Variants in LRGUK observed in about 807,000 individuals in gnomAD.
LRGUK encodes leucine rich repeats and guanylate kinase domain containing.
A neutral mutation model predicts 76.0 loss-of-function variants in LRGUK; 65 were observed. The observed-to-expected ratio is 0.85, with a 90% CI of 0.70 to 1.05. The LOEUF (loss-of-function observed/expected upper bound fraction) is 1.05. Ranked by LOEUF, LRGUK falls within the 50% of genes least tolerant of loss-of-function variation. The probability of loss-of-function intolerance (pLI) is 0.00; values close to 1 mark genes in which losing one functional copy is unlikely to be tolerated. For missense variants in LRGUK, 758 were observed against 732.8 expected, an observed-to-expected ratio of 1.03 and a Z score of -0.40; for synonymous variants, 268 against 265.6, an observed-to-expected ratio of 1.01 and a Z score of -0.09.
chr7:134,154,110 T>G (rs1273695211), intron 5 of LRGUK, among the ~76,000 whole-genome samples: 1 of 152,182 alleles, frequency 6.6e-6, no homozygotes, highest in African/African-American at 2.4e-5. Context: ...CAATTTCACT[T>G]TAAAAGATTT....
At chr7:134,247,614 T>A (rs1200063578) in exon 17 of LRGUK, 1 of 1,613,742 alleles carries the variant, frequency 6.2e-7, no homozygotes. Flanking sequence ...ATGGGAAGGA[T>A]ACGCCCTGAT....
At chr7:134,198,097 C>T (rs1216906324) in intron 13 of LRGUK, among the ~76,000 whole-genome samples, 2 of 150,762 alleles carry the variant, frequency 1.3e-5, no homozygotes, top group East Asian at 3.9e-4. Flanking sequence ...TGTTTCTTAG[C>T]TTACACATTT....
intron 18 of LRGUK, among the ~76,000 whole-genome samples, chr7:134,249,844 C>T (rs773868494): frequency 3.3e-5 from 5 of 152,152 alleles, no homozygotes; most frequent in African/African-American, 7.2e-5. Context: ...TGCAGCTGAC[C>T]ATCTCGCTGT....
At chr7:134,144,771 T>G (rs1797901633) in intron 4 of LRGUK, among the ~76,000 whole-genome samples, 1 of 152,178 alleles carries the variant, frequency 6.6e-6, no homozygotes, top group Non-Finnish European at 1.5e-5. Flanking sequence ...AATAGTGCAT[T>G]TTTTCCCTTT....
At chr7:134,242,804 G>A (rs1338607675) in intron 16 of LRGUK, among the ~76,000 whole-genome samples, 2 of 152,024 alleles carry the variant, frequency 1.3e-5, no homozygotes, top group Non-Finnish European at 2.9e-5. Flanking sequence ...AAAATCCTCA[G>A]TAAAATACTG....
intron 19 of LRGUK, among the ~76,000 whole-genome samples, chr7:134,263,561 A>G (rs1376555529): frequency 6.6e-6 from 1 of 151,334 alleles, no homozygotes; most frequent in African/African-American, 2.4e-5. Flanking sequence ...GGCTTGTTCA[A>G]CCATGTACAT....
chr7:134,185,552 T>C (rs1799950672), intron 11 of LRGUK, among the ~76,000 whole-genome samples: 1 of 152,050 alleles, frequency 6.6e-6, no homozygotes, highest in African/African-American at 2.4e-5. Flanking sequence ...GATTTTTTTT[T>C]AGAGGTTTTG....
intron 6 of LRGUK, among the ~76,000 whole-genome samples, chr7:134,161,980 GA>G (rs1467331580): frequency 6.6e-6 from 1 of 152,062 alleles, no homozygotes; most frequent in Non-Finnish European, 1.5e-5. Flanking sequence ...GCCCGGCCAA[GA>G]ATAATTGTTA....
intron 16 of LRGUK, among the ~76,000 whole-genome samples, chr7:134,233,396 T>C (rs181742580): frequency 6.6e-6 from 1 of 152,302 alleles, no homozygotes; most frequent in African/African-American, 2.4e-5. Flanking sequence ...GAGAGCCAAT[T>C]CTCCAGAAAG....
intron 4 of LRGUK, 80 bp from the exon 5 acceptor site, chr7:134,148,158 T>A: frequency 1.1e-6 from 1 of 874,796 alleles, no homozygotes; most frequent in Non-Finnish European, 1.8e-6. Context: ...AAAAATACCT[T>A]CTTCTTGCAC....
intron 16 of LRGUK, among the ~76,000 whole-genome samples, chr7:134,233,105 G>T (rs1429837526): frequency 6.6e-6 from 1 of 152,122 alleles, no homozygotes; most frequent in African/African-American, 2.4e-5. Context: ...TCATGTATAG[G>T]TTACAGATGT....
chr7:134,159,137 A>G (rs1163668206), intron 6 of LRGUK, among the ~76,000 whole-genome samples: 1 of 152,024 alleles, frequency 6.6e-6, no homozygotes, highest in Non-Finnish European at 1.5e-5. Context: ...CAGGAGTTCG[A>G]GACCAGCCTG....
At chr7:134,164,695 G>A (rs1397304942) in intron 7 of LRGUK, among the ~76,000 whole-genome samples, 2 of 152,174 alleles carry the variant, frequency 1.3e-5, no homozygotes, top group African/African-American at 2.4e-5. Flanking sequence ...CTGGGGTGTT[G>A]TGGGGATCTT....
At chr7:134,236,138 T>A (rs992769043) in intron 16 of LRGUK, among the ~76,000 whole-genome samples, 5 of 152,064 alleles carry the variant, frequency 3.3e-5, no homozygotes, top group African/African-American at 1.2e-4. Context: ...GGAAAATAAA[T>A]GTATAGATTA....
intron 16 of LRGUK, among the ~76,000 whole-genome samples, chr7:134,229,524 C>A (rs1801843735): frequency 1.3e-5 from 2 of 151,994 alleles, no homozygotes; most frequent in Non-Finnish European, 2.9e-5. Context: ...AAATTAAAGA[C>A]CTAAAAAGTG....
At chr7:134,135,938 G>A (rs769227598) in intron 1 of LRGUK, among the ~76,000 whole-genome samples, 3 of 152,226 alleles carry the variant, frequency 2.0e-5, no homozygotes, top group Non-Finnish European at 4.4e-5. Flanking sequence ...TTACAGGCGT[G>A]AGCCACCGCG....
At chr7:134,196,508 A>G (rs1800492399) in intron 12 of LRGUK, among the ~76,000 whole-genome samples, 1 of 152,200 alleles carries the variant, frequency 6.6e-6, no homozygotes, top group African/African-American at 2.4e-5. Flanking sequence ...ATGTCCCTGT[A>G]ATTCATGGCC....
intron 11 of LRGUK, among the ~76,000 whole-genome samples, chr7:134,185,234 C>A (rs985072921): frequency 6.6e-6 from 1 of 151,944 alleles, no homozygotes; most frequent in African/African-American, 2.4e-5. Flanking sequence ...AACAAAAAAA[C>A]CACACACACA....
At chr7:134,257,832 TCA>T (rs1802622665) in intron 18 of LRGUK, among the ~76,000 whole-genome samples, 1 of 151,396 alleles carries the variant, frequency 6.6e-6, no homozygotes, top group Admixed American at 6.6e-5. Flanking sequence ...GGAAGCAAAA[TCA>T]CAGTCCCCAA....
Sources: gnomAD v4.1 joint callset for allele counts (sites outside exome capture counted in the v4.1 genomes callset) on GRCh38, gnomAD v4.1.1 for gene constraint, MANE v1.5 for transcripts, NCBI Gene and HGNC (gene_info 2026-07-23, HGNC 2026-07-21) for gene names.